NETO2: variants seen among roughly 807,000 people sequenced by gnomAD.
NETO2 encodes the protein neuropilin and tolloid-like protein 2.
In NETO2, 28 loss-of-function variants were observed where a neutral mutation model predicts 62.5. The observed-to-expected ratio is 0.45, with a 90% CI of 0.33 to 0.61. NETO2 has a LOEUF of 0.61. NETO2 is among the 20% of genes least tolerant of loss of function. The pLI, the probability that NETO2 is intolerant of heterozygous loss-of-function variation, is 0.02. For missense variants in NETO2, 548 were observed against 643.2 expected (o/e 0.85, Z 1.60); for synonymous variants, 214 against 219.1 (o/e 0.98, Z 0.21).
chr16:47,121,714 G>T (rs1964044358), intron 6 of NETO2, among the ~76,000 whole-genome samples: 2 of 152,166 alleles, frequency 1.3e-5, no homozygotes, highest in African/African-American at 4.8e-5. Flanking sequence ...CTCAGTATGG[G>T]AATTAAAAGG....
intron 1 of NETO2, among the ~76,000 whole-genome samples, chr16:47,136,469 G>T (rs1045042270): frequency 4.6e-5 from 7 of 152,200 alleles, no homozygotes; most frequent in South Asian, 4.1e-4. Context: ...GTGCAGTGGC[G>T]TGATTTTGGC....
At chr16:47,085,500 G>A (rs1339948842) in intron 8 of NETO2, among the ~76,000 whole-genome samples, 1 of 151,926 alleles carries the variant, frequency 6.6e-6, no homozygotes, top group East Asian at 2.0e-4. Flanking sequence ...TCCTGCCTCA[G>A]CCTCCCGAGT....
chr16:47,089,036 G>A (rs1963256693), intron 7 of NETO2, among the ~76,000 whole-genome samples: 4 of 152,170 alleles, frequency 2.6e-5, no homozygotes. Flanking sequence ...AGTACAACAG[G>A]TTAAAAATCT....
chr16:47,098,411 T>C (rs1963472912), intron 7 of NETO2, among the ~76,000 whole-genome samples: 1 of 151,978 alleles, frequency 6.6e-6, no homozygotes. Context: ...ATGGATCAAG[T>C]GGAAGAAAGG....
chr16:47,115,090 AT>A, intron 6 of NETO2, among the ~76,000 whole-genome samples: 1 of 152,186 alleles, frequency 6.6e-6, no homozygotes, highest in Non-Finnish European at 1.5e-5. Context: ...ATCTTGTTCC[AT>A]TGATCTGTGT....
At chr16:47,114,594 G>A (rs1056243971) in intron 6 of NETO2, among the ~76,000 whole-genome samples, 1 of 151,182 alleles carries the variant, frequency 6.6e-6, no homozygotes, top group Non-Finnish European at 1.5e-5. Context: ...GGGACTACAG[G>A]CCCCCGCCAC....
At chr16:47,127,902 C>T (rs977815952) in intron 4 of NETO2, among the ~76,000 whole-genome samples, 1 of 152,058 alleles carries the variant, frequency 6.6e-6, no homozygotes, top group African/African-American at 2.4e-5. Context: ...TTCTATTGCT[C>T]AATATATTCT....
rs142034913 is a variant in NETO2, at chr16:47,141,392, G to A, written c.34+2187C>T. ...GAGTAGTTTGTAATGGGAAAGGCCA[G>A]TATCTTTTTAAAGGCAACTTTTTAA... On this transcript the variant is annotated intron_variant, in intron 1 of 8. Transcript: ENST00000562435. Among the ~76,000 whole-genome samples the A allele has an allele frequency of 2.0e-4, 31 of 151,966 alleles. No individual in the cohort carries two copies. In the East Asian group the frequency reaches 4.8e-3, roughly 24 times the overall value.
At chr16:47,121,260 GTACCCA>G (rs1964033717) in intron 6 of NETO2, among the ~76,000 whole-genome samples, 1 of 152,102 alleles carries the variant, frequency 6.6e-6, no homozygotes, top group Admixed American at 6.5e-5. Flanking sequence ...CGGTGAACTC[GTACCCA>G]TGGTGGGCTG....
chr16:47,096,289 G>A (rs1963426284), intron 7 of NETO2, among the ~76,000 whole-genome samples: 1 of 152,084 alleles, frequency 6.6e-6, no homozygotes, highest in African/African-American at 2.4e-5. Flanking sequence ...AAAGCTAGCA[G>A]AAGTAACAAA....
chr16:47,137,678 C>T (rs921305395), intron 1 of NETO2, among the ~76,000 whole-genome samples: 2 of 152,192 alleles, frequency 1.3e-5, no homozygotes, highest in African/African-American at 2.4e-5. Context: ...TCTCCAGGAA[C>T]CCTTTCCAGA....
intron 7 of NETO2, among the ~76,000 whole-genome samples, chr16:47,093,658 G>C (rs1963362564): frequency 6.6e-6 from 1 of 152,082 alleles, no homozygotes; most frequent in Admixed American, 6.6e-5. Flanking sequence ...TTGACCATTT[G>C]GCATCTCATG....
intron 4 of NETO2, among the ~76,000 whole-genome samples, chr16:47,124,739 C>A (rs1964119836): frequency 6.6e-6 from 1 of 152,156 alleles, no homozygotes; most frequent in African/African-American, 2.4e-5. Context: ...ATTTGCCATT[C>A]TATGAACCAA....
In NETO2 at chr16:47,105,913, C is replaced by T. The variant is rs143545441; in HGVS notation, c.883+3570G>A. ...GTGCAGCCACTGTGGAAAAGTTTGC[C>T]GGTTCCTCAAAAACTTAAACACAGA... On this transcript the variant is annotated intron_variant, in intron 7 of 8. Transcript: ENST00000562435. 1.1e-3 allele frequency among the ~76,000 whole-genome samples: 170 copies of T among 152,274 alleles called. No individual in the cohort carries two copies. The East Asian group carries it at 0.024, about 21-fold the overall frequency.
At position 47,123,767 on chromosome 16, in the gene NETO2, G is replaced by A. The variant is rs1349876715; in HGVS notation, c.482-855C>T. On this transcript the variant is annotated intron_variant, in intron 4 of 8. Transcript: ENST00000562435. Reference sequence around the variant, plus strand: ...GGCAGGAGTACAGTGGCACAATCTCGGCTCACTGCAACCTCTGCTTCCCGG... The same window carrying A: ...GGCAGGAGTACAGTGGCACAATCTCAGCTCACTGCAACCTCTGCTTCCCGG... Among the ~76,000 whole-genome samples, 4 of 152,062 alleles carry A rather than the reference G, an allele frequency of 2.6e-5. No individual in the cohort carries two copies. In the East Asian group the frequency reaches 7.7e-4, roughly 29 times the overall value.
chr16:47,089,036 G>T (rs1963256693), intron 7 of NETO2, among the ~76,000 whole-genome samples: 1 of 152,170 alleles, frequency 6.6e-6, no homozygotes, highest in Admixed American at 6.6e-5. Context: ...AGTACAACAG[G>T]TTAAAAATCT....
intron 7 of NETO2, among the ~76,000 whole-genome samples, chr16:47,090,186 A>AT (rs1963283574): frequency 6.6e-6 from 1 of 152,158 alleles, no homozygotes; most frequent in African/African-American, 2.4e-5. Context: ...TTCATCACTG[A>AT]TTGAGCAGTG....
rs1022785389 is a variant in NETO2, at chr16:47,143,873, G to C, written c.-261C>G. Reference sequence around the variant, plus strand: ...CCGTCCCATCGACCGCCCGAGGGCCGAGGAGTGCGGACGCGCGGCGCGGGA... The same window carrying C: ...CCGTCCCATCGACCGCCCGAGGGCCCAGGAGTGCGGACGCGCGGCGCGGGA... On this transcript the variant is annotated 5_prime_UTR_variant, in exon 1 of 9. Transcript: ENST00000562435. 3.8e-6 allele frequency: 1 copy of C among 265,922 alleles called. No homozygotes were observed. The highest frequency in any genetic ancestry group is 2.3e-5 in the African/African-American group (1 of 43,934). 16.5% of individuals were successfully genotyped at this position (265,922 alleles called of 1,614,324 possible).
intron 4 of NETO2, among the ~76,000 whole-genome samples, chr16:47,125,580 A>G (rs1596739524): frequency 6.6e-6 from 1 of 152,186 alleles, no homozygotes; most frequent in East Asian, 1.9e-4. Context: ...TCCTGACCTC[A>G]TGTGATCCAC....
Sources: allele counts gnomAD v4.1 joint callset (sites outside exome capture counted in the v4.1 genomes callset), GRCh38; gene constraint gnomAD v4.1.1; transcripts MANE v1.5; gene names NCBI Gene and HGNC (gene_info 2026-07-23, HGNC 2026-07-21).